The following CYP19A1 variants were observed in gnomAD, a reference collection of about 807,000 sequenced individuals.
CYP19A1 encodes the protein cytochrome P450 family 19 subfamily A member 1.
Under a neutral mutation model 44.4 loss-of-function variants are expected in CYP19A1, and 32 were observed. The observed-to-expected ratio is 0.72, with a 90% CI of 0.54 to 0.97. The LOEUF is 0.97. Ranked by LOEUF, CYP19A1 falls within the 50% of genes least tolerant of loss-of-function variation. CYP19A1 has a pLI of 0.00. For missense variants in CYP19A1, 598 were observed against 637.8 expected (o/e 0.94, Z 0.67); for synonymous variants, 212 against 215.6 (o/e 0.98, Z 0.14).
At chr15:51,307,670 C>T (rs1042149031) in intron 1 of CYP19A1, among the ~76,000 whole-genome samples, 3 of 152,146 alleles carry the variant, frequency 2.0e-5, no homozygotes, top group Non-Finnish European at 2.9e-5. Context: ...CTTTGGTTCC[C>T]AGCTAAGCTG....
intron 1 of CYP19A1, among the ~76,000 whole-genome samples, chr15:51,243,832 C>G (rs1192451821): frequency 6.6e-6 from 1 of 152,182 alleles, no homozygotes; most frequent in Non-Finnish European, 1.5e-5. Flanking sequence ...TTTCAACATG[C>G]CATTGAATCT....
In CYP19A1 at chr15:51,236,871, AGT is replaced by A. The variant is rs2033426267; in HGVS notation, c.282_283del (p.Leu95HisfsTer34). On this transcript the variant is annotated frameshift_variant, in exon 3 of 10. Transcript: ENST00000396402. LOFTEE classifies it high-confidence loss of function. ...TGAACAGACTCACTTGCTGATAATG[AGT>A]GTTTCCTCTCCAGAGATCCAGACTC... 6.2e-7 allele frequency: 1 copy of A among 1,614,064 alleles called. No homozygotes were observed. Among genetic ancestry groups the A allele is most frequent in the African/African-American group, 1.3e-5 (1 of 74,936 alleles).
rs28398987 is a variant in CYP19A1, at chr15:51,230,954, T to A, written c.297-3021A>T. 1.3e-3 allele frequency among the ~76,000 whole-genome samples: 201 copies of A among 152,312 alleles called. 1 individual carries two copies. Among genetic ancestry groups the A allele is most frequent in the African/African-American group, 4.7e-3 (195 of 41,574 alleles). On this transcript the variant is annotated intron_variant, in intron 3 of 9. Transcript: ENST00000396402. ...AACATTTAAAAACACTTGCCTCATGTAGATCTGTTCCATCAATCCTATCAC... is the reference window on the plus strand; with the variant it reads ...AACATTTAAAAACACTTGCCTCATGAAGATCTGTTCCATCAATCCTATCAC...
At position 51,223,593 on chromosome 15, in the gene CYP19A1, T is replaced by TCACACA. The variant is rs5812545; in HGVS notation, c.452-1074_452-1069dup. Among the ~76,000 whole-genome samples the TCACACA allele has an allele frequency of 4.9e-3, 439 of 90,188 alleles. 3 individuals are homozygous for TCACACA. Among genetic ancestry groups the TCACACA allele is most frequent in the East Asian group, 8.0e-3 (17 of 2,124 alleles). The allele number at this position is 90,188 out of a possible 152,430, so 59.2% of individuals were successfully genotyped here. A position where few individuals can be genotyped will look rare whatever the true frequency, so the allele number is the denominator to read the frequency against. On this transcript the variant is annotated intron_variant, in intron 4 of 9. Coordinates refer to ENST00000396402, the MANE Select transcript of CYP19A1 (RefSeq NM_000103.4). Reference sequence around the variant, plus strand: ...CTTGCTCTCTCTCTCTCTCTCTCTCTCACACACACACACACACACACACAC... The same window carrying TCACACA: ...CTTGCTCTCTCTCTCTCTCTCTCTCTCACACACACACACACACACACACACACACAC...
chr15:51,243,051 C>T (rs901203509), intron 1 of CYP19A1, 101 bp from the exon 2 acceptor site: 1 of 756,796 alleles, frequency 1.3e-6, no homozygotes, highest in Non-Finnish European at 2.4e-6. Context: ...GATTCACTTA[C>T]TGTTTTATAA....
intron 1 of CYP19A1, among the ~76,000 whole-genome samples, chr15:51,337,249 AG>A (rs1257351157): frequency 1.3e-5 from 2 of 152,248 alleles, no homozygotes; most frequent in South Asian, 4.1e-4. Flanking sequence ...CTGAAGAAAT[AG>A]GATGTGGAAG....
intron 1 of CYP19A1, among the ~76,000 whole-genome samples, chr15:51,297,220 A>G (rs1179057244): frequency 6.6e-6 from 1 of 152,190 alleles, no homozygotes; most frequent in Non-Finnish European, 1.5e-5. Context: ...ACTCAAAGCC[A>G]TGCAACCAAC....
intron 8 of CYP19A1, among the ~76,000 whole-genome samples, chr15:51,214,156 A>G (rs2141039352): frequency 6.6e-6 from 1 of 152,350 alleles, no homozygotes; most frequent in East Asian, 1.9e-4. Context: ...TGTAAAGTCA[A>G]GAGAGGGAAG....
At chr15:51,287,671 C>G (rs2035739463) in intron 1 of CYP19A1, among the ~76,000 whole-genome samples, 1 of 152,216 alleles carries the variant, frequency 6.6e-6, no homozygotes, top group South Asian at 2.1e-4. Flanking sequence ...CTCATGCCCT[C>G]CAACCAGTTG....
At chr15:51,265,880 A>G (rs1273313607) in intron 1 of CYP19A1, among the ~76,000 whole-genome samples, 3 of 152,018 alleles carry the variant, frequency 2.0e-5, no homozygotes, top group African/African-American at 7.3e-5. Context: ...TGCCCTTTTT[A>G]GCTGTTTGAG....
chr15:51,306,000 C>A (rs1377744453), intron 1 of CYP19A1, among the ~76,000 whole-genome samples: 2 of 152,166 alleles, frequency 1.3e-5, no homozygotes, highest in African/African-American at 2.4e-5. Context: ...AGCAAAAAAG[C>A]ACCCTGGCTG....
chr15:51,288,589 T>C (rs2035766054), intron 1 of CYP19A1, among the ~76,000 whole-genome samples: 1 of 151,746 alleles, frequency 6.6e-6, no homozygotes, highest in Non-Finnish European at 1.5e-5. Context: ...ACAGAGAAAC[T>C]CTCCTCTCAG....
At chr15:51,211,993 A>C (rs939139186) in intron 9 of CYP19A1, among the ~76,000 whole-genome samples, 4 of 152,180 alleles carry the variant, frequency 2.6e-5, no homozygotes, top group African/African-American at 4.8e-5. Context: ...ATGATGACAA[A>C]GTTTAAATGG....
At chr15:51,261,680 G>C (rs922100362) in intron 1 of CYP19A1, among the ~76,000 whole-genome samples, 6 of 152,166 alleles carry the variant, frequency 3.9e-5, no homozygotes, top group African/African-American at 1.4e-4. Context: ...AAGTGCTGTG[G>C]GGGTAAAGAG....
chr15:51,220,480 T>G (rs1411613430), intron 5 of CYP19A1, among the ~76,000 whole-genome samples: 1 of 152,216 alleles, frequency 6.6e-6, no homozygotes, highest in Non-Finnish European at 1.5e-5. Flanking sequence ...AATCAATAAA[T>G]GTTTGATGAA....
intron 4 of CYP19A1, among the ~76,000 whole-genome samples, chr15:51,225,166 T>C (rs370744389): frequency 1.3e-5 from 2 of 152,294 alleles, no homozygotes; most frequent in East Asian, 3.9e-4. Flanking sequence ...TCCCCCATTA[T>C]AAGTTCCTGG....
intron 1 of CYP19A1, among the ~76,000 whole-genome samples, chr15:51,328,599 C>G (rs56946882): frequency 4.7e-5 from 7 of 149,640 alleles, no homozygotes; most frequent in Non-Finnish European, 1.0e-4. Flanking sequence ...TGTGTGTGTA[C>G]GTTAAGTGTG....
At chr15:51,262,119 C>G (rs1197883743) in intron 1 of CYP19A1, among the ~76,000 whole-genome samples, 1 of 151,686 alleles carries the variant, frequency 6.6e-6, no homozygotes, top group East Asian at 1.9e-4. Context: ...GGCAGAAAAC[C>G]ACTTAAAGGC....
At chr15:51,325,850 A>AC in intron 1 of CYP19A1, among the ~76,000 whole-genome samples, 1 of 150,274 alleles carries the variant, frequency 6.7e-6, no homozygotes, top group Admixed American at 6.6e-5. Context: ...AAAAAAAAAA[A>AC]AAAAAAAAAA....
Sources: gnomAD v4.1 joint callset for allele counts (sites outside exome capture counted in the v4.1 genomes callset) on GRCh38, gnomAD v4.1.1 for gene constraint, MANE v1.5 for transcripts, NCBI Gene and HGNC (gene_info 2026-07-23, HGNC 2026-07-21) for gene names.